LOC400499: variants seen among roughly 807,000 people sequenced by gnomAD.
the LOC400499 span, among the ~76,000 whole-genome samples, chr16:11,467,452 T>C: frequency 7.5e-6 from 1 of 132,954 alleles, no homozygotes; most frequent in Non-Finnish European, 1.6e-5. Flanking sequence ...TGTACAAAAA[T>C]ATAAAAAAAA....
chr16:11,399,093 G>A, the LOC400499 span: 2 of 477,276 alleles, frequency 4.2e-6, no homozygotes, highest in South Asian at 1.7e-4. Context: ...CTGCAGAACA[G>A]TGCTCGGCCC....
chr16:11,491,407 C>T, the LOC400499 span, among the ~76,000 whole-genome samples: 1 of 152,098 alleles, frequency 6.6e-6, no homozygotes, highest in Non-Finnish European at 1.5e-5. Context: ...TAAAAGAGGC[C>T]TCACTGATTC....
the LOC400499 span, among the ~76,000 whole-genome samples, chr16:11,504,224 T>C: frequency 6.6e-6 from 1 of 152,144 alleles, no homozygotes; most frequent in African/African-American, 2.4e-5. Context: ...CTAGGCAGGC[T>C]ACGGATGGAG....
chr16:11,508,975 G>C, the LOC400499 span: 1 of 397,294 alleles, frequency 2.5e-6, no homozygotes, highest in South Asian at 1.4e-4. Context: ...TCAGGCAACA[G>C]GTAAGAGGGG....
chr16:11,521,639 A>G, the LOC400499 span, among the ~76,000 whole-genome samples: 1 of 152,124 alleles, frequency 6.6e-6, no homozygotes, highest in African/African-American at 2.4e-5. Context: ...CATGGCTCTC[A>G]GTCCACCCCT....
chr16:11,386,968 A>G, the LOC400499 span: 2 of 543,438 alleles, frequency 3.7e-6, no homozygotes, highest in Non-Finnish European at 5.6e-6. Flanking sequence ...GTGTACCCTC[A>G]GCCCTAGTCC....
the LOC400499 span, among the ~76,000 whole-genome samples, chr16:11,497,078 G>A: frequency 6.6e-6 from 1 of 152,162 alleles, no homozygotes; most frequent in African/African-American, 2.4e-5. Context: ...ATATCCCTGT[G>A]TGTTTGTGTG....
chr16:11,527,402 T>C, the LOC400499 span, among the ~76,000 whole-genome samples: 3 of 151,454 alleles, frequency 2.0e-5, no homozygotes, highest in African/African-American at 7.3e-5. Flanking sequence ...GGGAGGGGGC[T>C]CCTGACCAAT....
chr16:11,375,691 C>T, the LOC400499 span, among the ~76,000 whole-genome samples: 2 of 149,760 alleles, frequency 1.3e-5, no homozygotes, highest in Admixed American at 1.3e-4. Context: ...TGGCCATTTG[C>T]ATATCTTATT....
the LOC400499 span, among the ~76,000 whole-genome samples, chr16:11,525,297 A>C: frequency 6.6e-6 from 1 of 150,572 alleles, no homozygotes; most frequent in African/African-American, 2.5e-5. Flanking sequence ...TGTCCCAAAA[A>C]AAAAAAAAAA....
chr16:11,373,928 C>G, the LOC400499 span, among the ~76,000 whole-genome samples: 1 of 152,136 alleles, frequency 6.6e-6, no homozygotes, highest in Non-Finnish European at 1.5e-5. Context: ...CCGGGAAGCA[C>G]CCTTCTAGCC....
the LOC400499 span, among the ~76,000 whole-genome samples, chr16:11,501,207 G>A: frequency 6.6e-6 from 1 of 151,972 alleles, no homozygotes; most frequent in Admixed American, 6.5e-5. Flanking sequence ...ACTGGTGTGG[G>A]AAAACACAAG....
chr16:11,518,804 T>C, the LOC400499 span: 1 of 398,570 alleles, frequency 2.5e-6, no homozygotes, highest in Non-Finnish European at 4.4e-6. Context: ...TCTAATTCAG[T>C]GCACCCAGAG....
the LOC400499 span, chr16:11,435,800 A>G: frequency 5.0e-6 from 2 of 399,388 alleles, no homozygotes; most frequent in East Asian, 7.1e-5. Flanking sequence ...CTCCAGCAGA[A>G]CCAGCTCCCG....
the LOC400499 span, among the ~76,000 whole-genome samples, chr16:11,497,524 G>A: frequency 6.6e-6 from 1 of 152,216 alleles, no homozygotes; most frequent in Non-Finnish European, 1.5e-5. Context: ...CACAGACAGG[G>A]CAGGCTCGGG....
At chr16:11,376,363 T>TC in the LOC400499 span, among the ~76,000 whole-genome samples, 2 of 123,358 alleles carry the variant, frequency 1.6e-5, no homozygotes, top group Non-Finnish European at 3.9e-5. Context: ...CTTTTTTTTT[T>TC]TTCCCAACAT....
At chr16:11,456,519 C>T in the LOC400499 span, among the ~76,000 whole-genome samples, 183 of 152,282 alleles carry the variant, frequency 1.2e-3, 1 homozygote, top group African/African-American at 4.2e-3. Context: ...AAGGGCCTGA[C>T]ACTTGACTGG....
chr16:11,383,841 G>A, the LOC400499 span: 1 of 1,232,206 alleles, frequency 8.1e-7, no homozygotes, highest in Non-Finnish European at 1.0e-6. Context: ...TAAGCTTGAT[G>A]AGACAAAGGG....
the LOC400499 span, among the ~76,000 whole-genome samples, chr16:11,501,572 G>A: frequency 6.6e-6 from 1 of 151,962 alleles, no homozygotes; most frequent in South Asian, 2.1e-4. Context: ...TGCCCAGGCT[G>A]GTCTCAAACT....
Sources: gnomAD v4.1 joint callset for allele counts (sites outside exome capture counted in the v4.1 genomes callset) on GRCh38, gnomAD v4.1.1 for gene constraint, MANE v1.5 for transcripts.